Variants in YLPM1 observed in about 807,000 individuals in gnomAD.
The protein encoded by YLPM1 is YLP motif-containing protein 1.
A neutral mutation model predicts 230.0 loss-of-function variants in YLPM1; 99 were observed. The ratio of observed to expected loss-of-function variants is 0.43; its 90% confidence interval spans 0.37 to 0.51. YLPM1 has a LOEUF of 0.51. Ranked by LOEUF, YLPM1 falls within the 20% of genes least tolerant of loss-of-function variation. YLPM1 has a pLI of 0.00. For synonymous variants in YLPM1, 984 were observed against 942.5 expected (o/e 1.04, Z -0.81); for missense variants, 2,592 against 2,707.7 (o/e 0.96, Z 0.95).
Position 74,798,742 on chromosome 14 carries a change from G to A in YLPM1, c.3445G>A (p.Gly1149Arg). The A allele has an allele frequency of 6.2e-7, 1 of 1,613,322 alleles. No individual in the cohort carries two copies. Among genetic ancestry groups the A allele is most frequent in the Admixed American group, 1.7e-5 (1 of 59,996 alleles). Residue 1149 changes from glycine to arginine, a missense_variant, in exon 5 of 21, where the codon GGG becomes AGG. Gly to Arg is a moderately radical substitution (Grantham distance 125). This residue lies in a region of YLPM1 where 1,862 missense variants were observed against 1,819.8 expected (regional missense o/e 1.02). Transcript: ENST00000325680. The part of the protein sequence containing the change: ...AGSRERGPPR[G>R]PGSRERGLGR... ...GAGCAGGGAGAGAGGACCACCTCGA[G>A]GGCCTGGCAGTCGAGAAAGGGGACT...
intron 16 of YLPM1, 115 bp downstream of exon 16, chr14:74,818,429 C>G (rs570486946): frequency 1.4e-6 from 1 of 717,374 alleles, no homozygotes; most frequent in Admixed American, 3.3e-5. Context: ...TACAAGAACA[C>G]CTACTGATAT....
chr14:74,780,343 A>G (rs1566741524), intron 2 of YLPM1, 62 bp from the exon 3 acceptor site: 6 of 1,537,886 alleles, frequency 3.9e-6, no homozygotes, highest in Non-Finnish European at 5.2e-6. Context: ...TAATACATTT[A>G]TAAAATATTT....
chr14:74,781,231 A>G, intron 3 of YLPM1, 103 bp from the exon 4 acceptor site: 2 of 1,297,170 alleles, frequency 1.5e-6, no homozygotes, highest in Non-Finnish European at 2.1e-6. Flanking sequence ...TTAGTGTTCT[A>G]ATTTCCTAAA....
chr14:74,827,129 A>G (rs1279877269), intron 18 of YLPM1, among the ~76,000 whole-genome samples: 1 of 152,238 alleles, frequency 6.6e-6, no homozygotes, highest in Non-Finnish European at 1.5e-5. Flanking sequence ...TTTAGAAAAT[A>G]CATAGATGTA....
At chr14:74,789,754 T>C (rs546800668) in intron 4 of YLPM1, among the ~76,000 whole-genome samples, 1 of 151,902 alleles carries the variant, frequency 6.6e-6, no homozygotes, top group Non-Finnish European at 1.5e-5. Flanking sequence ...CAGCCTCCCA[T>C]GTAGCTGGAA....
At chr14:74,771,312 A>C (rs887372186) in intron 1 of YLPM1, among the ~76,000 whole-genome samples, 7 of 152,224 alleles carry the variant, frequency 4.6e-5, no homozygotes, top group African/African-American at 1.2e-4. Flanking sequence ...ATTTGAAGAC[A>C]CAGAAATAGA....
At chr14:74,803,030 G>A (rs1143454) in intron 6 of YLPM1, among the ~76,000 whole-genome samples, 22,221 of 151,780 alleles carry the variant, frequency 0.15, 1,771 homozygotes, top group South Asian at 0.3. Context: ...AGGCTAAGGC[G>A]AGAGGATTGC....
chr14:74,798,167 CT>C lies in YLPM1; in HGVS notation c.2874del (p.Pro959LeufsTer13), dbSNP rs2091283350. The C allele has an allele frequency of 6.2e-7, 1 of 1,613,854 alleles. No individual in the cohort carries two copies. Among genetic ancestry groups the C allele is most frequent in the African/African-American group, 1.3e-5 (1 of 74,908 alleles). The part of the protein sequence containing the change: ...LANKPVPAQS[T>X]FPSKTGGMEG... Reference sequence around the variant, plus strand: ...AATAAGCCTGTACCTGCTCAATCTACTTTTCCTTCAAAAACAGGGGGGATGG... The same window carrying C: ...AATAAGCCTGTACCTGCTCAATCTACTTTCCTTCAAAAACAGGGGGGATGG... On this transcript the variant is annotated frameshift_variant, in exon 5 of 21. Coordinates refer to ENST00000325680, the MANE Select transcript of YLPM1 (RefSeq NM_019589.3). LOFTEE classifies it high-confidence loss of function.
At chr14:74,806,941 A>G (rs890291796) in intron 6 of YLPM1, among the ~76,000 whole-genome samples, 4 of 152,272 alleles carry the variant, frequency 2.6e-5, no homozygotes, top group Middle Eastern at 3.4e-3. Flanking sequence ...TAAAAAATTT[A>G]TAAGTATACA....
chr14:74,766,586 A>C (rs2090913534), intron 1 of YLPM1, among the ~76,000 whole-genome samples: 1 of 151,466 alleles, frequency 6.6e-6, no homozygotes, highest in African/African-American at 2.4e-5. Flanking sequence ...TCCCAGGCTC[A>C]AGCCATCCCA....
intron 11 of YLPM1, 94 bp downstream of exon 11, chr14:74,812,876 A>T: frequency 2.1e-6 from 3 of 1,416,418 alleles, no homozygotes; most frequent in Non-Finnish European, 1.9e-6. Flanking sequence ...TTTCTGCAAC[A>T]TAGTAATAAT....
Position 74,782,070 on chromosome 14 carries a change from CTT to C in YLPM1, c.2030_2031del (p.Phe677TrpfsTer40). 1 of 1,614,028 alleles carries C rather than the reference CTT, an allele frequency of 6.2e-7. No homozygotes were observed. Among genetic ancestry groups the C allele is most frequent in the Non-Finnish European group, 8.5e-7 (1 of 1,179,880 alleles). On this transcript the variant is annotated frameshift_variant, in exon 4 of 21. Transcript: ENST00000325680. LOFTEE classifies it high-confidence loss of function. ...CCAGCACTGCTTCCTACTCCTGTGT[CTT>C]TTGGTTCTGCCCCACCGACAACTTA...
intron 4 of YLPM1, among the ~76,000 whole-genome samples, chr14:74,790,034 T>C (rs530926038): frequency 6.6e-6 from 1 of 152,274 alleles, no homozygotes; most frequent in South Asian, 2.1e-4. Flanking sequence ...ATTATTCTTA[T>C]TAGAATCAGC....
In YLPM1 at chr14:74,782,312, C is replaced by G; in HGVS notation, c.2269C>G (p.Pro757Ala). ...TCCTAGAAGTAGTTACTTGGAAAGT[C>G]CAAGAGGCCCAAGGTAGGTCTGCTT... ...DPPRSSYLES[P>A]RGPRFDGPRR... Residue 757 changes from proline (P) to alanine (A), a missense_variant, in exon 4 of 21, where the codon CCA (proline) becomes GCA (alanine). Around this residue, in one of 4 missense-constraint regions of YLPM1, gnomAD observed 1,862 missense variants for 1,819.8 expected, o/e 1.02. Coordinates refer to ENST00000325680, the MANE Select transcript of YLPM1 (RefSeq NM_019589.3). The G allele has an allele frequency of 1.3e-6, 2 of 1,518,820 alleles. No individual in the cohort carries two copies. The highest frequency in any genetic ancestry group is 1.7e-6 in the Non-Finnish European group (2 of 1,145,018). The allele number at this position is 1,518,820 out of a possible 1,614,324, so 94.1% of individuals were successfully genotyped here.
Position 74,829,334 on chromosome 14 carries a change from G to A in YLPM1, c.6285G>A (p.Gly2095=), listed in dbSNP as rs1252789070. ...DDYDTRASEP[G]KKRVRWADLE... ...ATGATACTCGTGCTTCTGAGCCTGG[G>A]AAGAAGAGGGTAAGAGACTTTGTCA... Residue 2095 remains glycine (G), a synonymous_variant, in exon 19 of 21, where the codon GGG becomes GGA. Transcript: ENST00000325680. 1 of 1,613,014 alleles carries A rather than the reference G, an allele frequency of 6.2e-7. No individual in the cohort carries two copies. The highest frequency in any genetic ancestry group is 2.2e-5 in the East Asian group (1 of 44,862).
chr14:74,821,445 C>G (rs2091519860), intron 17 of YLPM1: 2 of 198,234 alleles, frequency 1.0e-5, no homozygotes, highest in Non-Finnish European at 2.0e-5. Context: ...AAAGGGCATT[C>G]TTACATTCCA....
intron 11 of YLPM1, among the ~76,000 whole-genome samples, chr14:74,815,503 G>T (rs1408621292): frequency 6.7e-6 from 1 of 150,106 alleles, no homozygotes; most frequent in Non-Finnish European, 1.5e-5. Context: ...CAGAGGTTGC[G>T]ATGAGCCAAG....
chr14:74,779,748 C>T (rs1347552334), intron 2 of YLPM1, among the ~76,000 whole-genome samples: 2 of 146,806 alleles, frequency 1.4e-5, no homozygotes, highest in African/African-American at 5.1e-5. Flanking sequence ...CTCAAGTGAT[C>T]CTCCTTGCCT....
chr14:74,822,216 G>A (rs2091526748), intron 17 of YLPM1: 1 of 152,056 alleles, frequency 6.6e-6, no homozygotes, highest in Non-Finnish European at 1.5e-5. Context: ...TCACTACAAG[G>A]TCCACGCTCT....
Sources: allele counts gnomAD v4.1 joint callset (sites outside exome capture counted in the v4.1 genomes callset), GRCh38; gene constraint gnomAD v4.1.1; regional missense constraint gnomAD v4.1.1; transcripts MANE v1.5; gene names NCBI Gene and HGNC (gene_info 2026-07-23, HGNC 2026-07-21).